The following TSBP1 variants were observed in gnomAD, a reference collection of about 807,000 sequenced individuals.
TSBP1 encodes the protein testis-expressed basic protein 1.
TSBP1 carries 56 observed loss-of-function variants against 68.8 expected under a neutral mutation model. The observed-to-expected ratio is 0.81, with a 90% CI of 0.66 to 1.02. The LOEUF is 1.02. Ranked by LOEUF, TSBP1 falls within the 50% of genes least tolerant of loss-of-function variation. The pLI, the probability that TSBP1 is intolerant of heterozygous loss-of-function variation, is 0.00. For missense variants in TSBP1, 502 were observed against 641.2 expected (o/e 0.78, Z 2.34); for synonymous variants, 171 against 208.7 (o/e 0.82, Z 1.56).
chr6:32,312,657 A>G (rs190095165), intron 19 of TSBP1, among the ~76,000 whole-genome samples: 16 of 152,212 alleles, frequency 1.1e-4, no homozygotes, highest in Admixed American at 7.2e-4. Flanking sequence ...GCTCTTCTCC[A>G]CTACCTAAAT....
In TSBP1 at chr6:32,321,636, T is replaced by C. The variant is rs918208563; in HGVS notation, c.559+1481A>G. On this transcript the variant is annotated intron_variant, in intron 18 of 22. Coordinates refer to ENST00000612031, the Ensembl canonical transcript of TSBP1. This position sits in a 1 kb window ranked among gnomAD's most constrained non-coding sequence, Gnocchi z 4.3. ...CTAAGGCTTCAGAAAGATGTGTGGA[T>C]GAGGACTTTGGAGAGACACTGGCTA... Among the ~76,000 whole-genome samples, 3 of 152,206 alleles carry C rather than the reference T, an allele frequency of 2.0e-5. No homozygotes were observed. Among genetic ancestry groups the C allele is most frequent in the African/African-American group, 7.2e-5 (3 of 41,444 alleles).
At chr6:32,360,200 A>G (rs573629002) in intron 6 of TSBP1, among the ~76,000 whole-genome samples, 3 of 152,074 alleles carry the variant, frequency 2.0e-5, no homozygotes, top group African/African-American at 4.8e-5. Flanking sequence ...TCCACCCCCT[A>G]ACTTCTGGTA....
intron 8 of TSBP1, among the ~76,000 whole-genome samples, chr6:32,351,088 G>C (rs1029367260): frequency 6.6e-6 from 1 of 152,288 alleles, no homozygotes; most frequent in African/African-American, 2.4e-5. Flanking sequence ...AAGCCATTAA[G>C]TTTGTGGTAA....
exon 23 of TSBP1, chr6:32,293,955 C>G (rs1322835992): frequency 6.2e-7 from 1 of 1,612,572 alleles, no homozygotes; most frequent in Non-Finnish European, 8.5e-7. Flanking sequence ...TGAGACCTTG[C>G]AGTGCCTCCA....
intron 18 of TSBP1, among the ~76,000 whole-genome samples, chr6:32,319,972 G>T (rs1425121482): frequency 6.6e-6 from 1 of 151,892 alleles, no homozygotes; most frequent in Non-Finnish European, 1.5e-5. Context: ...GTGCTGTTAG[G>T]TTCCTTATTT....
intron 19 of TSBP1, among the ~76,000 whole-genome samples, chr6:32,303,046 G>C (rs1405360815): frequency 6.6e-6 from 1 of 152,142 alleles, no homozygotes; most frequent in Non-Finnish European, 1.5e-5. Flanking sequence ...CTCTCTTATA[G>C]CTTCTTTTTA....
At chr6:32,356,932 A>G (rs534921460) in intron 6 of TSBP1, 15 of 153,634 alleles carry the variant, frequency 9.8e-5, no homozygotes, top group Non-Finnish European at 1.9e-4. Context: ...TTTATATGTG[A>G]TATATTTAAG....
intron 16 of TSBP1, among the ~76,000 whole-genome samples, chr6:32,330,148 G>A (rs916310914): frequency 6.6e-6 from 1 of 152,164 alleles, no homozygotes; most frequent in African/African-American, 2.4e-5. Context: ...GGTTAGACTA[G>A]ACCCTGCATA....
chr6:32,301,819 G>A (rs2127563971), intron 20 of TSBP1, among the ~76,000 whole-genome samples: 1 of 151,894 alleles, frequency 6.6e-6, no homozygotes, highest in African/African-American at 2.4e-5. Context: ...TTAAAAATGG[G>A]AGTTGGCAAA....
At position 32,333,296 on chromosome 6, in the gene TSBP1, C is replaced by T. The variant is rs150383417; in HGVS notation, c.473-1242G>A. ...AAGTGCTGGGATTACTGCACCCAGC[C>T]GAAAGCCTGTTATGTTATTTAGCAA... On this transcript the variant is annotated intron_variant, in intron 14 of 22. Coordinates refer to ENST00000612031, the Ensembl canonical transcript of TSBP1. The surrounding 1 kb of genome is among the most constrained non-coding windows in gnomAD (Gnocchi z 4.2). Among the ~76,000 whole-genome samples, 438 of 152,148 alleles carry T rather than the reference C, an allele frequency of 2.9e-3. 1 individual carries two copies. Among genetic ancestry groups the T allele is most frequent in the African/African-American group, 9.8e-3 (407 of 41,484 alleles).
chr6:32,354,834 T>C (rs1273380146), intron 8 of TSBP1, among the ~76,000 whole-genome samples: 1 of 152,064 alleles, frequency 6.6e-6, no homozygotes, highest in East Asian at 1.9e-4. Context: ...TAAAAAAAGA[T>C]ACTATATTTT....
intron 2 of TSBP1, among the ~76,000 whole-genome samples, chr6:32,369,373 A>ATTTTTTT (rs9281761): frequency 7.9e-6 from 1 of 127,018 alleles, no homozygotes; most frequent in Non-Finnish European, 1.6e-5. Context: ...AAACTCTGTG[A>ATTTTTTT]TTTTTTTTTT....
At chr6:32,349,644 T>C (rs769883191) in intron 9 of TSBP1, 96 bp downstream of exon 9, 29 of 724,596 alleles carry the variant, frequency 4.0e-5, no homozygotes, top group Non-Finnish European at 6.6e-5. Flanking sequence ...GCTTCTGCTG[T>C]GCTGCAGCGA....
Position 32,302,065 on chromosome 6 carries a change from C to T in TSBP1, c.601+544G>A, listed in dbSNP as rs116712672. On this transcript the variant is annotated intron_variant, in intron 20 of 22. Coordinates refer to ENST00000612031, the Ensembl canonical transcript of TSBP1. The surrounding 1 kb of genome is among the most constrained non-coding windows in gnomAD (Gnocchi z 5.1). ...TAAAATAGTATTTTATTGGGACATA[C>T]CCATGCTCATTCTTTTATATATTGT... 0.046 allele frequency among the ~76,000 whole-genome samples: 7,005 copies of T among 151,486 alleles called. 368 individuals are homozygous for T. The highest frequency in any genetic ancestry group is 0.13 in the African/African-American group (5,194 of 41,258).
In TSBP1 at chr6:32,336,445, C is replaced by G. The variant is rs9366794; in HGVS notation, c.430+170G>C. Among the ~76,000 whole-genome samples, 51,177 of 152,028 alleles carry G rather than the reference C, an allele frequency of 0.34. 9,681 individuals carry two copies. The highest frequency in any genetic ancestry group is 0.52 in the Middle Eastern group (153 of 292). On this transcript the variant is annotated intron_variant, in intron 12 of 22. Transcript: ENST00000612031. This position sits in a 1 kb window ranked among gnomAD's most constrained non-coding sequence, Gnocchi z 5.2. ...GACAGTGTTAAAAAAGCAAGTCACC[C>G]CTAAACCTCAGCATCACACAATATA...
In TSBP1 at chr6:32,315,637, C is replaced by T. The variant is rs1259658250; in HGVS notation, c.580+135G>A. On this transcript the variant is annotated intron_variant, in intron 19 of 22. Transcript: ENST00000612031. This position sits in a 1 kb window ranked among gnomAD's most constrained non-coding sequence, Gnocchi z 5.4. ...GAATCAAAAAGTTTGTCTTGCAGTC[C>T]TAATCTGGAGGACTTTGGGTAATGT... is the stretch of plus-strand genomic sequence containing the variant. 3.7e-5 allele frequency: 21 copies of T among 564,920 alleles called. No individual in the cohort carries two copies. Among genetic ancestry groups the T allele is most frequent in the Non-Finnish European group, 6.1e-5 (20 of 327,350 alleles). 35.0% of individuals were successfully genotyped at this position (564,920 alleles called of 1,614,324 possible). A position where few individuals can be genotyped will look rare whatever the true frequency, so the allele number is the denominator to read the frequency against.
chr6:32,345,427 C>A (rs766344695), intron 9 of TSBP1, among the ~76,000 whole-genome samples: 3 of 151,872 alleles, frequency 2.0e-5, no homozygotes, highest in Non-Finnish European at 4.4e-5. Flanking sequence ...AGAAAGGGGA[C>A]CCTTGATTAG....
chr6:32,345,704 T>C (rs1277936364), intron 9 of TSBP1, among the ~76,000 whole-genome samples: 1 of 152,226 alleles, frequency 6.6e-6, no homozygotes, highest in Non-Finnish European at 1.5e-5. Context: ...GTATGGGTAA[T>C]GGACCATAGT....
intron 1 of TSBP1, 94 bp from the exon 2 acceptor site, chr6:32,370,077 CT>C: frequency 2.7e-6 from 2 of 749,856 alleles, no homozygotes; most frequent in South Asian, 3.1e-5. Flanking sequence ...ACCAGATAGA[CT>C]TTTTTTCTTT....
Sources: gnomAD v4.1 joint callset for allele counts (sites outside exome capture counted in the v4.1 genomes callset) on GRCh38, gnomAD v4.1.1 for gene constraint, Gnocchi (gnomAD v3.1) non-coding constraint, MANE v1.5 for transcripts, NCBI Gene and HGNC (gene_info 2026-07-23, HGNC 2026-07-21) for gene names.